PPP1CC: variants seen among roughly 807,000 people sequenced by gnomAD.
PPP1CC encodes protein phosphatase 1 catalytic subunit gamma.
A neutral mutation model predicts 38.4 loss-of-function variants in PPP1CC; 16 were observed. The observed-to-expected ratio is 0.42, with a 90% CI of 0.28 to 0.63. The LOEUF (loss-of-function observed/expected upper bound fraction) is 0.63, where lower values mean the gene tolerates loss of function less well. PPP1CC is among the 30% of genes least tolerant of loss of function. The probability of loss-of-function intolerance (pLI) is 0.25; values close to 1 mark genes in which losing one functional copy is unlikely to be tolerated. For missense variants in PPP1CC, 170 were observed against 391.3 expected (o/e 0.43, Z 4.77); for synonymous variants, 158 against 136.0 (o/e 1.16, Z -1.13).
At chr12:110,730,438 T>G in intron 3 of PPP1CC, 91 bp downstream of exon 3, 1 of 1,056,462 alleles carries the variant, frequency 9.5e-7, no homozygotes, top group Admixed American at 2.4e-5. Flanking sequence ...GCATCTAAAC[T>G]CTCACAATTC....
chr12:110,723,613 G>A (rs1230746708), intron 4 of PPP1CC, among the ~76,000 whole-genome samples: 2 of 152,114 alleles, frequency 1.3e-5, no homozygotes, highest in Admixed American at 1.3e-4. Context: ...GGGTTCAAGC[G>A]ATCCTCCCGC....
At chr12:110,710,779 C>T in the PPP1CC span, among the ~76,000 whole-genome samples, 24 of 148,906 alleles carry the variant, frequency 1.6e-4, no homozygotes, top group Non-Finnish European at 3.3e-4. Flanking sequence ...TGCCTGTAAT[C>T]CTAGCACTTT....
the PPP1CC span, among the ~76,000 whole-genome samples, chr12:110,714,272 C>T: frequency 1.3e-5 from 2 of 152,246 alleles, no homozygotes; most frequent in Admixed American, 6.5e-5. Flanking sequence ...TTGCTCTCCT[C>T]TCCTCAGTCC....
In PPP1CC at chr12:110,720,897, AG is replaced by A. The variant is rs1289536373; in HGVS notation, c.*178del. ...CAAAACACTTTTCTTTTTGGAGTGAAGAGTCTTTCATTTGCTGTTATAACCA... is the reference window on the plus strand; with the variant it reads ...CAAAACACTTTTCTTTTTGGAGTGAAAGTCTTTCATTTGCTGTTATAACCA... On this transcript the variant is annotated 3_prime_UTR_variant, in exon 7 of 7. Coordinates refer to ENST00000335007, the MANE Select transcript of PPP1CC (RefSeq NM_002710.4). 1 of 512,996 alleles carries A rather than the reference AG, an allele frequency of 1.9e-6. No homozygotes were observed. The highest frequency in any genetic ancestry group is 3.5e-5 in the Admixed American group (1 of 28,186). The allele number at this position is 512,996 out of a possible 1,614,324, so 31.8% of individuals were successfully genotyped here. A position where few individuals can be genotyped will look rare whatever the true frequency, so the allele number is the denominator to read the frequency against.
At chr12:110,740,314 G>A (rs538035968) in intron 1 of PPP1CC, among the ~76,000 whole-genome samples, 17 of 152,114 alleles carry the variant, frequency 1.1e-4, no homozygotes, top group Admixed American at 9.2e-4. Context: ...GGCCGGGCAC[G>A]GTGGCTCATG....
rs1267549962 is a variant in PPP1CC at position 110,720,998 on chromosome 12, A to G, written c.*78T>C. On this transcript the variant is annotated 3_prime_UTR_variant, in exon 7 of 7. Transcript: ENST00000335007. ...ACAGATCTATCTGAGCAAGCTGACC[A>G]GTACACATTACAGTCTTAAAAATGA... The G allele has an allele frequency of 7.7e-7, 1 of 1,297,882 alleles. No individual in the cohort carries two copies. Among genetic ancestry groups the G allele is most frequent in the African/African-American group, 1.5e-5 (1 of 68,334 alleles). The allele number at this position is 1,297,882 out of a possible 1,614,324, so 80.4% of individuals were successfully genotyped here.
the PPP1CC span, among the ~76,000 whole-genome samples, chr12:110,712,934 G>A: frequency 1.3e-5 from 2 of 152,028 alleles, no homozygotes; most frequent in Admixed American, 1.3e-4. Context: ...TTAGCCAGGC[G>A]TGGTGGCATA....
At chr12:110,721,223 T>G (rs1451818652) in intron 6 of PPP1CC, 58 bp from the exon 7 acceptor site, 1 of 1,430,826 alleles carries the variant, frequency 7.0e-7, no homozygotes, top group Non-Finnish European at 9.8e-7. Flanking sequence ...ATCTTAAGAG[T>G]CCTTAAATTT....
chr12:110,714,681 CT>C (rs1251938077), downstream of PPP1CC, among the ~76,000 whole-genome samples: 1 of 151,374 alleles, frequency 6.6e-6, no homozygotes, highest in African/African-American at 2.4e-5. Context: ...TGGCACGCAC[CT>C]GTAATCCCAG....
In PPP1CC at chr12:110,722,445, T is replaced by G. The variant is rs1231549905; in HGVS notation, c.747+27A>C. The G allele has an allele frequency of 3.1e-6, 5 of 1,598,618 alleles. No individual in the cohort carries two copies. The Admixed American group carries it at 5.0e-5, about 16-fold the overall frequency. On this transcript the variant is annotated intron_variant, in intron 5 of 6. Transcript: ENST00000335007. This position sits in a 1 kb window ranked among gnomAD's most constrained non-coding sequence, Gnocchi z 5.4. Reference sequence around the variant, plus strand: ...CTGTGCTCACACACATGCTCTTAAGTGTACATGTAAAATTCAAAATCAATA... The same window carrying G: ...CTGTGCTCACACACATGCTCTTAAGGGTACATGTAAAATTCAAAATCAATA...
At chr12:110,716,345 CTTAG>C (rs990157894), downstream of PPP1CC, among the ~76,000 whole-genome samples, 3 of 151,208 alleles carry the variant, frequency 2.0e-5, no homozygotes, top group Admixed American at 6.6e-5. Flanking sequence ...TGCAAACTTT[CTTAG>C]TTTTAACTTT....
the PPP1CC span, among the ~76,000 whole-genome samples, chr12:110,708,646 C>G: frequency 6.6e-6 from 1 of 151,808 alleles, no homozygotes; most frequent in Non-Finnish European, 1.5e-5. Context: ...GTCAGGAGCT[C>G]GAGAACAGCT....
downstream of PPP1CC, among the ~76,000 whole-genome samples, chr12:110,719,300 T>C (rs1184491459): frequency 6.6e-6 from 1 of 152,146 alleles, no homozygotes; most frequent in East Asian, 1.9e-4. Context: ...CCGGGGCTTG[T>C]TAGCAGAGGG....
intron 1 of PPP1CC, chr12:110,733,100 G>GT (rs1360253987): frequency 7.9e-5 from 12 of 152,010 alleles, no homozygotes; most frequent in Non-Finnish European, 1.6e-4. Flanking sequence ...TGTTTTTTTC[G>GT]TAAGTAATTT....
At chr12:110,735,814 C>T (rs1421924128) in intron 1 of PPP1CC, among the ~76,000 whole-genome samples, 1 of 151,768 alleles carries the variant, frequency 6.6e-6, no homozygotes, top group Non-Finnish European at 1.5e-5. Flanking sequence ...CCAGTAATCC[C>T]AGCACTTTAG....
intron 4 of PPP1CC, 86 bp downstream of exon 4, chr12:110,724,574 C>T (rs2069774357): frequency 2.6e-6 from 2 of 769,024 alleles, no homozygotes; most frequent in East Asian, 5.0e-5. Context: ...CAGAGAAAGT[C>T]ATCCCAATGA....
At chr12:110,730,246 C>T (rs2136552903) in intron 3 of PPP1CC, among the ~76,000 whole-genome samples, 1 of 152,304 alleles carries the variant, frequency 6.6e-6, no homozygotes, top group African/African-American at 2.4e-5. Flanking sequence ...GCAGTCCTAG[C>T]TACCTGGGAG....
rs15467 is a variant in PPP1CC, at chr12:110,720,035, G to A, written c.*1041C>T. On this transcript the variant is annotated 3_prime_UTR_variant, in exon 7 of 7. Coordinates refer to ENST00000335007, the MANE Select transcript of PPP1CC (RefSeq NM_002710.4). ...AAAAGTCATAGGTACTGTGAGTTCTGTATAAACTGGTGGACAGTAAGTTAG... is the reference window on the plus strand; with the variant it reads ...AAAAGTCATAGGTACTGTGAGTTCTATATAAACTGGTGGACAGTAAGTTAG... The A allele has an allele frequency of 1.9e-6, 2 of 1,066,866 alleles. No homozygotes were observed. The highest frequency in any genetic ancestry group is 3.0e-5 in the South Asian group (2 of 66,446). 66.1% of individuals were successfully genotyped at this position (1,066,866 alleles called of 1,614,324 possible).
chr12:110,719,014 T>A (rs2069710738), downstream of PPP1CC, among the ~76,000 whole-genome samples: 1 of 152,144 alleles, frequency 6.6e-6, no homozygotes, highest in South Asian at 2.1e-4. Context: ...CACACTCCAA[T>A]AATGATATAA....
Sources: gnomAD v4.1 joint callset for allele counts (sites outside exome capture counted in the v4.1 genomes callset) on GRCh38, gnomAD v4.1.1 for gene constraint, Gnocchi (gnomAD v3.1) non-coding constraint, MANE v1.5 for transcripts, NCBI Gene and HGNC (gene_info 2026-07-23, HGNC 2026-07-21) for gene names.